The following ATF6 variants were observed in gnomAD, a reference collection of about 807,000 sequenced individuals.
The protein encoded by ATF6 is cyclic AMP-dependent transcription factor ATF-6 alpha.
ATF6 carries 53 observed loss-of-function variants against 83.6 expected under a neutral mutation model. The ratio of observed to expected loss-of-function variants is 0.63; its 90% CI spans 0.51 to 0.80. The LOEUF is 0.80. ATF6 is among the 30% of genes least tolerant of loss of function. The pLI is 0.00. For synonymous variants in ATF6, 288 were observed against 285.8 expected (o/e 1.01, Z -0.08); for missense variants, 744 against 797.9 (o/e 0.93, Z 0.81).
At chr1:161,955,675 C>T (rs1242177894) in intron 15 of ATF6, among the ~76,000 whole-genome samples, 1 of 152,202 alleles carries the variant, frequency 6.6e-6, no homozygotes, top group Non-Finnish European at 1.5e-5. Flanking sequence ...TGCTGTGACT[C>T]CTTTATCATT....
At chr1:161,821,807 A>T (rs1183726890) in intron 9 of ATF6, among the ~76,000 whole-genome samples, 1 of 152,150 alleles carries the variant, frequency 6.6e-6, no homozygotes, top group Non-Finnish European at 1.5e-5. Context: ...TATAGACTGC[A>T]GTGAGGAGAA....
At chr1:161,812,549 C>T (rs1388166922) in intron 7 of ATF6, among the ~76,000 whole-genome samples, 1 of 151,380 alleles carries the variant, frequency 6.6e-6, no homozygotes, top group Non-Finnish European at 1.5e-5. Context: ...CCCGCCACTA[C>T]GCCCGGCTAA....
chr1:161,868,095 T>C (rs1687045689), intron 14 of ATF6, among the ~76,000 whole-genome samples: 1 of 152,252 alleles, frequency 6.6e-6, no homozygotes, highest in African/African-American at 2.4e-5. Context: ...CTAGTCTTCA[T>C]GGAGAATTGG....
At chr1:161,849,083 T>G (rs900730511) in intron 10 of ATF6, among the ~76,000 whole-genome samples, 2 of 152,196 alleles carry the variant, frequency 1.3e-5, no homozygotes, top group African/African-American at 4.8e-5. Flanking sequence ...TTTGTATTTT[T>G]CTAAGTATGC....
At chr1:161,775,995 A>G (rs1247458945) in intron 1 of ATF6, among the ~76,000 whole-genome samples, 2 of 151,970 alleles carry the variant, frequency 1.3e-5, no homozygotes, top group African/African-American at 4.8e-5. Context: ...AGCTATCTGT[A>G]TGTGTTATAT....
chr1:161,946,627 G>C (rs2101914677), intron 15 of ATF6, among the ~76,000 whole-genome samples: 2 of 152,284 alleles, frequency 1.3e-5, no homozygotes, highest in South Asian at 4.2e-4. Flanking sequence ...TTGGGGGATG[G>C]AGCAGGCCTA....
intron 9 of ATF6, among the ~76,000 whole-genome samples, chr1:161,835,165 G>GCTCAAGC (rs1686182606): frequency 6.6e-6 from 1 of 152,120 alleles, no homozygotes; most frequent in South Asian, 2.1e-4. Context: ...GAACTCCTAG[G>GCTCAAGC]CTCAAGCCTC....
chr1:161,821,010 C>G (rs552323571), intron 8 of ATF6, 60 bp from the exon 9 acceptor site: 6 of 1,169,792 alleles, frequency 5.1e-6, no homozygotes, highest in Non-Finnish European at 7.4e-6. Flanking sequence ...TAATCTTAAG[C>G]GTTGCTTTTT....
chr1:161,899,656 A>G (rs914682144), intron 14 of ATF6, among the ~76,000 whole-genome samples: 9 of 152,220 alleles, frequency 5.9e-5, no homozygotes, highest in Non-Finnish European at 1.3e-4. Context: ...ATACATTTTA[A>G]ACAGTTTAAA....
chr1:161,804,032 C>T lies in ATF6; in HGVS notation c.909+1760C>T, dbSNP rs1185899148. On this transcript the variant is annotated intron_variant, in intron 7 of 15. Transcript: ENST00000367942. ...AACAGTCCCCAGAGTGTGATGTTCC[C>T]CTTCCTGTGTCCATGTGTTCTCATT... 2.9e-5 allele frequency among the ~76,000 whole-genome samples: 4 copies of T among 139,178 alleles called. No individual in the cohort carries two copies. The East Asian group carries it at 8.8e-4, about 31-fold the overall frequency. The allele number at this position is 139,178 out of a possible 152,430, so 91.3% of individuals were successfully genotyped here.
At chr1:161,804,667 A>C (rs558369634) in intron 7 of ATF6, among the ~76,000 whole-genome samples, 119 of 117,704 alleles carry the variant, frequency 1.0e-3, no homozygotes, top group African/African-American at 2.9e-3. Flanking sequence ...CCAGAAGAGC[A>C]ACCCCCCTGC....
At chr1:161,934,788 A>G (rs1688505694) in intron 15 of ATF6, among the ~76,000 whole-genome samples, 1 of 152,190 alleles carries the variant, frequency 6.6e-6, no homozygotes, top group South Asian at 2.1e-4. Flanking sequence ...CATTAAATCC[A>G]TGTTCCTAAG....
intron 3 of ATF6, 108 bp from the exon 4 acceptor site, chr1:161,783,882 C>T (rs572449727): frequency 1.8e-4 from 138 of 762,908 alleles, no homozygotes; most frequent in Non-Finnish European, 2.8e-4. Context: ...GTGACCTTAG[C>T]TTCCATATCT....
intron 1 of ATF6, among the ~76,000 whole-genome samples, chr1:161,770,029 A>G (rs1335589396): frequency 6.6e-6 from 1 of 152,176 alleles, no homozygotes; most frequent in Non-Finnish European, 1.5e-5. Context: ...ATTATATAGA[A>G]TAGTTTCACT....
intron 14 of ATF6, among the ~76,000 whole-genome samples, chr1:161,888,744 T>A (rs1463358962): frequency 6.6e-6 from 1 of 152,160 alleles, no homozygotes; most frequent in African/African-American, 2.4e-5. Context: ...TAGTCTCTCC[T>A]TCAAATCCAC....
At chr1:161,950,174 T>G (rs1345134439) in intron 15 of ATF6, among the ~76,000 whole-genome samples, 1 of 152,256 alleles carries the variant, frequency 6.6e-6, no homozygotes, top group Non-Finnish European at 1.5e-5. Context: ...GCCAGGCTTT[T>G]TAATAGGCAG....
chr1:161,925,111 T>C (rs1486704799), intron 15 of ATF6, among the ~76,000 whole-genome samples: 1 of 152,174 alleles, frequency 6.6e-6, no homozygotes, highest in African/African-American at 2.4e-5. Flanking sequence ...ACCCTCTGAG[T>C]CTTCACATCC....
chr1:161,932,357 C>G (rs1392113243), intron 15 of ATF6, among the ~76,000 whole-genome samples: 6 of 152,066 alleles, frequency 3.9e-5, no homozygotes, highest in African/African-American at 7.2e-5. Context: ...TCACTTCTGT[C>G]TCTTTAAAAC....
intron 14 of ATF6, among the ~76,000 whole-genome samples, chr1:161,867,977 A>C (rs1262773495): frequency 1.3e-5 from 2 of 152,216 alleles, no homozygotes; most frequent in African/African-American, 4.8e-5. Flanking sequence ...GGGTAGCCTT[A>C]AGTAATAGGG....
Sources: allele counts gnomAD v4.1 joint callset (sites outside exome capture counted in the v4.1 genomes callset), GRCh38; gene constraint gnomAD v4.1.1; transcripts MANE v1.5; gene names NCBI Gene and HGNC (gene_info 2026-07-23, HGNC 2026-07-21).